ANKRD31: variants seen among roughly 807,000 people sequenced by gnomAD.
The protein encoded by ANKRD31 is ankyrin repeat domain-containing protein 31.
A neutral mutation model predicts 186.0 loss-of-function variants in ANKRD31; 147 were observed. The ratio of observed to expected loss-of-function variants is 0.79; its 90% CI spans 0.69 to 0.91. ANKRD31 has a LOEUF of 0.91. Ranked by LOEUF, ANKRD31 falls within the 40% of genes least tolerant of loss-of-function variation. The probability of loss-of-function intolerance (pLI) is 0.00; values close to 1 mark genes in which losing one functional copy is unlikely to be tolerated. For missense variants in ANKRD31, 1,986 were observed against 2,148.8 expected, an observed-to-expected ratio of 0.92 and a Z score of 1.50; for synonymous variants, 673 against 736.4, an observed-to-expected ratio of 0.91 and a Z score of 1.39.
chr5:75,103,658 A>G (rs1413525969), intron 22 of ANKRD31, among the ~76,000 whole-genome samples: 1 of 152,256 alleles, frequency 6.6e-6, no homozygotes, highest in African/African-American at 2.4e-5. Context: ...ACCATGGAAT[A>G]CTATGCAGCC....
chr5:75,158,902 C>A (rs749375968), intron 11 of ANKRD31, among the ~76,000 whole-genome samples: 1 of 151,748 alleles, frequency 6.6e-6, no homozygotes, highest in Non-Finnish European at 1.5e-5. Context: ...TTGAGAGGGC[C>A]TATATGTGCA....
chr5:75,188,019 A>C (rs1754854635), intron 10 of ANKRD31, among the ~76,000 whole-genome samples: 1 of 152,114 alleles, frequency 6.6e-6, no homozygotes, highest in South Asian at 2.1e-4. Context: ...GAAATACTGC[A>C]CTTTCTGAGC....
intron 2 of ANKRD31, among the ~76,000 whole-genome samples, chr5:75,228,969 G>C (rs1228389850): frequency 6.6e-6 from 1 of 152,126 alleles, no homozygotes; most frequent in Non-Finnish European, 1.5e-5. Context: ...AAAAGACTGT[G>C]AACCATAAAT....
chr5:75,188,450 C>T (rs10050948), intron 10 of ANKRD31, 43 bp downstream of exon 10: 599,747 of 1,499,552 alleles, frequency 0.4, 129,420 homozygotes, highest in African/African-American at 0.82. Context: ...GCTGAAACTA[C>T]AAACCACTCT....
chr5:75,105,323 T>C, intron 21 of ANKRD31, 105 bp from the exon 22 acceptor site: 1 of 1,233,618 alleles, frequency 8.1e-7, no homozygotes, highest in South Asian at 2.0e-5. Context: ...TTAATCACTT[T>C]AAAATACACA....
At chr5:75,143,640 A>T (rs1025029608) in intron 15 of ANKRD31, among the ~76,000 whole-genome samples, 1 of 152,150 alleles carries the variant, frequency 6.6e-6, no homozygotes, top group African/African-American at 2.4e-5. Flanking sequence ...AAACAAACTA[A>T]TGGCTATGTT....
chr5:75,146,179 T>C lies in ANKRD31; in HGVS notation c.3232A>G (p.Asn1078Asp). Residue 1078 changes from asparagine to aspartate, a missense_variant, in exon 14 of 26, where the codon AAT (asparagine) becomes GAT (aspartate). Asn to Asp is a conservative substitution (Grantham distance 23, BLOSUM62 1). Transcript: ENST00000506364. ...IDRDQKIIYSNEPLSIVAHSQ... is the reference protein window; with the variant it reads ...IDRDQKIIYSDEPLSIVAHSQ... ...TGAGCAACTATGGATAAAGGCTCAT[T>C]TGAATAAATTATTTTTTGGTCTCTG... 6.5e-7 allele frequency: 1 copy of C among 1,535,826 alleles called. No individual in the cohort carries two copies. Among genetic ancestry groups the C allele is most frequent in the East Asian group, 2.4e-5 (1 of 40,880 alleles).
chr5:75,231,331 C>T (rs1757940703), intron 1 of ANKRD31, among the ~76,000 whole-genome samples: 1 of 151,906 alleles, frequency 6.6e-6, no homozygotes, highest in Non-Finnish European at 1.5e-5. Flanking sequence ...CTGCCTTGAC[C>T]TCCCAAAGTG....
At chr5:75,206,216 CAAAAAAAAAAAAA>C (rs1191388849) in intron 5 of ANKRD31, among the ~76,000 whole-genome samples, 182 bp downstream of exon 5, 205 of 14,774 alleles carry the variant, frequency 0.014, 2 homozygotes, top group African/African-American at 0.019. Flanking sequence ...ACATCTCTAC[CAAAAAAAAAAAAA>C]AAAAAAAAAA....
intron 17 of ANKRD31, among the ~76,000 whole-genome samples, chr5:75,125,447 C>A (rs1455860818): frequency 6.6e-6 from 1 of 152,100 alleles, no homozygotes; most frequent in African/African-American, 2.4e-5. Flanking sequence ...ATTCCTGAGA[C>A]CATCTCGAGA....
intron 9 of ANKRD31, among the ~76,000 whole-genome samples, chr5:75,189,651 G>A (rs1754970645): frequency 6.6e-6 from 1 of 152,146 alleles, no homozygotes; most frequent in African/African-American, 2.4e-5. Flanking sequence ...ATCTGCCTGT[G>A]CCAGTTGTAC....
intron 17 of ANKRD31, among the ~76,000 whole-genome samples, chr5:75,120,814 T>C (rs781731260): frequency 2.6e-4 from 39 of 152,104 alleles, no homozygotes; most frequent in Non-Finnish European, 5.0e-4. Flanking sequence ...TTAAAAGATA[T>C]AGATAGGCAG....
rs146979034 is a variant in ANKRD31, at chr5:75,189,613, C to T, written c.1409-965G>A. ...TCCCACTAGACAAATTGCATGCTTACCATAATCAGAGCAGTCTTTACTTCC... is the reference window on the plus strand; with the variant it reads ...TCCCACTAGACAAATTGCATGCTTATCATAATCAGAGCAGTCTTTACTTCC... On this transcript the variant is annotated intron_variant, in intron 9 of 25. Coordinates refer to ENST00000506364, the MANE Select transcript of ANKRD31 (RefSeq NM_001372053.1). Among the ~76,000 whole-genome samples, 64 of 152,290 alleles carry T rather than the reference C, an allele frequency of 4.2e-4. 1 individual carries two copies. In the East Asian group the frequency reaches 0.011, roughly 26 times the overall value.
chr5:75,136,987 G>T (rs1051841604), intron 17 of ANKRD31, among the ~76,000 whole-genome samples: 7 of 151,998 alleles, frequency 4.6e-5, no homozygotes, highest in African/African-American at 1.5e-4. Context: ...ACACAGGGTG[G>T]GGAACATCAC....
At chr5:75,109,730 G>A (rs745383684) in intron 20 of ANKRD31, among the ~76,000 whole-genome samples, 1 of 152,102 alleles carries the variant, frequency 6.6e-6, no homozygotes, top group Non-Finnish European at 1.5e-5. Context: ...ATGGGCCTGA[G>A]GTGCAAAGGT....
At chr5:75,218,506 T>C (rs143472347) in intron 3 of ANKRD31, among the ~76,000 whole-genome samples, 22 of 152,256 alleles carry the variant, frequency 1.4e-4, no homozygotes, top group Admixed American at 2.0e-4. Flanking sequence ...AGCTGAATTA[T>C]AACAGATGTA....
In ANKRD31 at chr5:75,147,428, T is replaced by C. The variant is rs756383529; in HGVS notation, c.1983A>G (p.Val661=). The C allele has an allele frequency of 6.6e-7, 1 of 1,518,092 alleles. No homozygotes were observed. Among genetic ancestry groups the C allele is most frequent in the South Asian group, 1.2e-5 (1 of 80,120 alleles). The allele number at this position is 1,518,092 out of a possible 1,614,324, so 94.0% of individuals were successfully genotyped here. A position where few individuals can be genotyped will look rare whatever the true frequency, so the allele number is the denominator to read the frequency against. The change falls in exon 14 of 26, where the codon GTA becomes GTG. Residue 661 remains valine (V), a synonymous_variant. Coordinates refer to ENST00000506364, the MANE Select transcript of ANKRD31 (RefSeq NM_001372053.1). ...ENSNRQKLEH[V]KVNKGSKASL... ...TCGCTTTGCTTCCTTTATTGACTTT[T>C]ACATGTTCCAGCTTCTGTCTGTTGG...
Position 75,116,600 on chromosome 5 carries a change from GA to G in ANKRD31, c.4120del (p.Ser1374HisfsTer23). 1 of 1,468,524 alleles carries G rather than the reference GA, an allele frequency of 6.8e-7. No homozygotes were observed. Among genetic ancestry groups the G allele is most frequent in the South Asian group, 1.4e-5 (1 of 70,100 alleles). The allele number at this position is 1,468,524 out of a possible 1,614,324, so 91.0% of individuals were successfully genotyped here. On this transcript the variant is annotated frameshift_variant, in exon 19 of 26. Coordinates refer to ENST00000506364, the MANE Select transcript of ANKRD31 (RefSeq NM_001372053.1). LOFTEE classifies it high-confidence loss of function. ...GCTTTCTCTTGATCTTTCTTGGTGTGAAAGGGAAGATGAGTCAATAGTTTTG... is the reference window on the plus strand; with the variant it reads ...GCTTTCTCTTGATCTTTCTTGGTGTGAAGGGAAGATGAGTCAATAGTTTTG... ...DGKTIDSSSL[S>X]HQERSRESLS...
chr5:75,089,270 G>A (rs916954705), intron 23 of ANKRD31, among the ~76,000 whole-genome samples: 2 of 151,668 alleles, frequency 1.3e-5, no homozygotes, highest in Non-Finnish European at 2.9e-5. Flanking sequence ...CCCTCTCTGA[G>A]TAAGCATCAG....
Sources: gnomAD v4.1 joint callset for allele counts (sites outside exome capture counted in the v4.1 genomes callset) on GRCh38, gnomAD v4.1.1 for gene constraint, MANE v1.5 for transcripts, NCBI Gene and HGNC (gene_info 2026-07-23, HGNC 2026-07-21) for gene names.